Variants in NRG1 observed in about 807,000 individuals in gnomAD.
NRG1 encodes neuregulin 1, also known as pro-neuregulin-1, membrane-bound isoform.
Under a neutral mutation model 63.8 loss-of-function variants are expected in NRG1, and 18 were observed. The ratio of observed to expected loss-of-function variants is 0.28; its 90% CI spans 0.19 to 0.42. The LOEUF (loss-of-function observed/expected upper bound fraction) is 0.42. Among genes scored for constraint, NRG1 ranks in the 10% least tolerant of loss-of-function variants. The probability of loss-of-function intolerance (pLI) is 1.00; values close to 1 mark genes in which losing one functional copy is unlikely to be tolerated. For synonymous variants in NRG1, 302 were observed against 301.3 expected (o/e 1.00, Z -0.02); for missense variants, 762 against 814.7 (o/e 0.94, Z 0.79).
chr8:32,540,406 C>T (rs1832463239), intron 1 of NRG1, among the ~76,000 whole-genome samples: 1 of 152,106 alleles, frequency 6.6e-6, no homozygotes, highest in South Asian at 2.1e-4. Context: ...AAATGACTTC[C>T]ATGTCATTCT....
intron 5 of NRG1, among the ~76,000 whole-genome samples, chr8:32,617,526 C>A (rs1290843065): frequency 6.6e-6 from 1 of 152,148 alleles, no homozygotes; most frequent in East Asian, 1.9e-4. Context: ...AAAATATTAG[C>A]AAGGACTAGT....
At chr8:32,634,121 T>C (rs1384354512) in intron 5 of NRG1, among the ~76,000 whole-genome samples, 1 of 86,500 alleles carries the variant, frequency 1.2e-5, no homozygotes, top group Non-Finnish European at 1.9e-5. Flanking sequence ...AAAAAAAAGG[T>C]TGCATAAAGC....
chr8:32,675,447 C>T (rs1806835409), intron 5 of NRG1, among the ~76,000 whole-genome samples: 1 of 152,250 alleles, frequency 6.6e-6, no homozygotes, highest in South Asian at 2.1e-4. Context: ...TTCATTAAGA[C>T]TTTATTTATT....
chr8:32,267,641 G>A (rs1851118623), intron 1 of NRG1, among the ~76,000 whole-genome samples: 1 of 152,020 alleles, frequency 6.6e-6, no homozygotes, highest in Admixed American at 6.6e-5. Flanking sequence ...AATCCCTGTT[G>A]GACAGAATTA....
intron 1 of NRG1, among the ~76,000 whole-genome samples, chr8:31,836,369 A>G (rs935417901): frequency 1.3e-5 from 2 of 152,124 alleles, no homozygotes; most frequent in Non-Finnish European, 2.9e-5. Context: ...ACGTCTTTAC[A>G]TATTTGTTGG....
intron 1 of NRG1, among the ~76,000 whole-genome samples, chr8:32,026,572 AC>A (rs1216947716): frequency 6.6e-6 from 1 of 152,178 alleles, no homozygotes; most frequent in Non-Finnish European, 1.5e-5. Flanking sequence ...TTTACTGAAA[AC>A]AAATCTGAAA....
chr8:32,727,953 A>G (rs1822628881), exon 6 of NRG1: 1 of 1,614,020 alleles, frequency 6.2e-7, no homozygotes, highest in Non-Finnish European at 8.5e-7. Context: ...CTTCAGCTAC[A>G]TCTACATCCA....
chr8:32,614,911 C>T (rs887066396), intron 4 of NRG1, among the ~76,000 whole-genome samples: 8 of 152,092 alleles, frequency 5.3e-5, no homozygotes, highest in Non-Finnish European at 1.2e-4. Flanking sequence ...TACTCTTTCA[C>T]CCCTCAGAGT....
In NRG1 at chr8:31,650,330, T is replaced by C. The variant is rs190018962; in HGVS notation, c.37+10899T>C. On this transcript the variant is annotated intron_variant, in intron 1 of 10. Coordinates refer to the NRG1 transcript ENST00000519301. The stretch of plus-strand genomic sequence containing the variant: ...TCCCTACTTAGAAAGTTTCAATGGA[T>C]GCACCATAGTTAACTCAAGATCTCA... Among the ~76,000 whole-genome samples, 401 of 152,274 alleles carry C rather than the reference T, an allele frequency of 2.6e-3. 4 individuals carry two copies. Among genetic ancestry groups the C allele is most frequent in the African/African-American group, 9.0e-3 (374 of 41,562 alleles).
At chr8:32,124,532 G>T (rs1015834934) in intron 1 of NRG1, among the ~76,000 whole-genome samples, 18 of 151,986 alleles carry the variant, frequency 1.2e-4, no homozygotes, top group African/African-American at 4.3e-4. Flanking sequence ...AAAAAAAAAT[G>T]TAGAAACTAA....
intron 1 of NRG1, among the ~76,000 whole-genome samples, chr8:32,262,285 T>G (rs780502549): frequency 1.3e-5 from 2 of 152,178 alleles, no homozygotes; most frequent in Non-Finnish European, 2.9e-5. Context: ...TGCTTGCTAC[T>G]AAGAATTTCC....
chr8:32,252,688 G>A (rs569682280), intron 1 of NRG1, among the ~76,000 whole-genome samples: 1 of 152,044 alleles, frequency 6.6e-6, no homozygotes. Flanking sequence ...GCTCTCTTTT[G>A]GTTCCATATG....
intron 1 of NRG1, among the ~76,000 whole-genome samples, chr8:32,074,262 C>G (rs747508952): frequency 6.6e-6 from 1 of 152,180 alleles, no homozygotes; most frequent in Non-Finnish European, 1.5e-5. Context: ...ATCTTTCTAG[C>G]AGCCAGCTGT....
chr8:31,798,717 A>G (rs1821475511), intron 1 of NRG1, among the ~76,000 whole-genome samples: 1 of 152,138 alleles, frequency 6.6e-6, no homozygotes, highest in Non-Finnish European at 1.5e-5. Context: ...AATTATTTCC[A>G]TTTTATATAT....
chr8:32,281,184 C>CCTTTTTTTTTTTTTTTTTT (rs1852780908), intron 1 of NRG1, among the ~76,000 whole-genome samples: 1 of 94,326 alleles, frequency 1.1e-5, no homozygotes. Context: ...GTAGTTTTTC[C>CCTTTTTTTTTTTTTTTTTT]TTTTTTTTTT....
At chr8:32,761,078 G>A in intron 11 of NRG1, 1 of 807,234 alleles carries the variant, frequency 1.2e-6, no homozygotes, top group Non-Finnish European at 1.5e-6. Context: ...TTCCTTTGGG[G>A]AGATTGGGTT....
chr8:31,978,538 A>C (rs1011221014), intron 1 of NRG1, among the ~76,000 whole-genome samples: 8 of 152,160 alleles, frequency 5.3e-5, no homozygotes, highest in African/African-American at 1.9e-4. Flanking sequence ...CGATGGATTA[A>C]TGTTGCAGCA....
At position 32,540,203 on chromosome 8, in the gene NRG1, G is replaced by T. The variant is rs7819333; in HGVS notation, c.38-55625G>T. Among the ~76,000 whole-genome samples, 50 of 151,836 alleles carry T rather than the reference G, an allele frequency of 3.3e-4. 1 individual carries two copies. The South Asian group carries it at 9.6e-3, about 29-fold the overall frequency. On this transcript the variant is annotated intron_variant, in intron 1 of 10. Transcript: ENST00000519301. Reference sequence around the variant, plus strand: ...CGGCAGGATAAAGGAAGGAGAGTATGGATTAGATTTTAATAAAAGTTTCTT... The same window carrying T: ...CGGCAGGATAAAGGAAGGAGAGTATTGATTAGATTTTAATAAAAGTTTCTT...
intron 1 of NRG1, among the ~76,000 whole-genome samples, chr8:32,579,195 C>CTTTTTTTTTTTTT (rs71208196): frequency 1.9e-5 from 2 of 105,430 alleles, no homozygotes; most frequent in African/African-American, 3.3e-5. Flanking sequence ...TTTCTTCTGT[C>CTTTTTTTTTTTTT]TTTTTTTTTT....
Sources: allele counts gnomAD v4.1 joint callset (sites outside exome capture counted in the v4.1 genomes callset), GRCh38; gene constraint gnomAD v4.1.1; transcripts MANE v1.5; gene names NCBI Gene and HGNC (gene_info 2026-07-23, HGNC 2026-07-21).